The following PLEKHH1 variants were observed in gnomAD, a reference collection of about 807,000 sequenced individuals.
PLEKHH1 encodes pleckstrin homology domain-containing family H member 1.
Under a neutral mutation model 160.0 loss-of-function variants are expected in PLEKHH1, and 104 were observed. The ratio of observed to expected loss-of-function variants is 0.65; its 90% CI spans 0.55 to 0.76. The LOEUF is 0.76. Among genes scored for constraint, PLEKHH1 ranks in the 30% least tolerant of loss-of-function variants. The pLI, the probability that PLEKHH1 is intolerant of heterozygous loss-of-function variation, is 0.00. For synonymous variants in PLEKHH1, 619 were observed against 678.4 expected (o/e 0.91, Z 1.36); for missense variants, 1,427 against 1,724.1 (o/e 0.83, Z 3.05).
chr14:67,567,382 T>A (rs2035153230), intron 7 of PLEKHH1, among the ~76,000 whole-genome samples: 1 of 152,222 alleles, frequency 6.6e-6, no homozygotes, highest in Non-Finnish European at 1.5e-5. Flanking sequence ...TAACATTTTG[T>A]CAAACAGTCA....
chr14:67,546,878 AT>A (rs895701992), intron 2 of PLEKHH1, among the ~76,000 whole-genome samples: 1 of 151,848 alleles, frequency 6.6e-6, no homozygotes, highest in Non-Finnish European at 1.5e-5. Context: ...ATATATATAT[AT>A]TTTTTCTCTA....
intron 7 of PLEKHH1, among the ~76,000 whole-genome samples, chr14:67,568,403 C>G (rs1008067321): frequency 1.3e-5 from 2 of 152,040 alleles, no homozygotes; most frequent in Admixed American, 6.6e-5. Flanking sequence ...AATGAGAACA[C>G]ATGGACACAG....
At chr14:67,536,151 T>C (rs1204172606) in intron 1 of PLEKHH1, among the ~76,000 whole-genome samples, 1 of 152,024 alleles carries the variant, frequency 6.6e-6, no homozygotes, top group African/African-American at 2.4e-5. Flanking sequence ...TTGAGGTTCC[T>C]GCGGCCTAGG....
rs10145859 is a variant in PLEKHH1 at position 67,578,407 on chromosome 14, A to G, written c.2752-127A>G. On this transcript the variant is annotated intron_variant, in intron 19 of 28. Transcript: ENST00000329153. The surrounding 1 kb of genome is among the most constrained non-coding windows in gnomAD (Gnocchi z 5.0). ...ACAGCCTGACCAAGTTGGCCATCCC[A>G]GCACCCAGAGCAAGTTGGGGGCTCT... 0.028 allele frequency: 22,557 copies of G among 810,738 alleles called. 767 individuals are homozygous for G. Among genetic ancestry groups the G allele is most frequent in the African/African-American group, 0.13 (7,994 of 59,436 alleles). 50.2% of individuals were successfully genotyped at this position (810,738 alleles called of 1,614,324 possible).
chr14:67,582,600 C>T lies in PLEKHH1; in HGVS notation c.3426+390C>T, dbSNP rs1326712220. On this transcript the variant is annotated intron_variant, in intron 24 of 28. Coordinates refer to ENST00000329153, the MANE Select transcript of PLEKHH1 (RefSeq NM_020715.3). This position sits in a 1 kb window ranked among gnomAD's most constrained non-coding sequence, Gnocchi z 5.0. ...TTGCGAGGCCGAGGCGGGCAGATCA[C>T]CTGAGGCCAGGAGTTCGTGACCAGC... is the stretch of plus-strand genomic sequence containing the variant. Among the ~76,000 whole-genome samples, 2 of 152,092 alleles carry T rather than the reference C, an allele frequency of 1.3e-5. No individual in the cohort carries two copies. Among genetic ancestry groups the T allele is most frequent in the Non-Finnish European group, 2.9e-5 (2 of 68,036 alleles).
At position 67,575,405 on chromosome 14, in the gene PLEKHH1, ACT is replaced by A. The variant is rs1566754862; in HGVS notation, c.2104_2105del (p.Ser702GlnfsTer19). On this transcript the variant is annotated frameshift_variant, in exon 15 of 29. Coordinates refer to ENST00000329153, the MANE Select transcript of PLEKHH1 (RefSeq NM_020715.3). LOFTEE classifies it high-confidence loss of function. The stretch of plus-strand genomic sequence containing the variant: ...TCTGTCTTACAGGTAAAGCATGGCC[ACT>A]CCAAGGTGGTCTGGTGCGCTCTTGT... 6.2e-7 allele frequency: 1 copy of A among 1,605,942 alleles called. No individual in the cohort carries two copies. The highest frequency in any genetic ancestry group is 1.1e-5 in the South Asian group (1 of 89,478).
chr14:67,582,493 T>C lies in PLEKHH1; in HGVS notation c.3426+283T>C, dbSNP rs774682494. On this transcript the variant is annotated intron_variant, in intron 24 of 28. Coordinates refer to ENST00000329153, the MANE Select transcript of PLEKHH1 (RefSeq NM_020715.3). The surrounding 1 kb of genome is among the most constrained non-coding windows in gnomAD (Gnocchi z 5.0). ...TCTTAGCCAAGTCACTTCACTTCTCTATGCTTTAGTTTCCTTCTCAGTATA... is the reference window on the plus strand; with the variant it reads ...TCTTAGCCAAGTCACTTCACTTCTCCATGCTTTAGTTTCCTTCTCAGTATA... Among the ~76,000 whole-genome samples the C allele has an allele frequency of 2.0e-5, 3 of 152,162 alleles. No homozygotes were observed. The highest frequency in any genetic ancestry group is 4.4e-5 in the Non-Finnish European group (3 of 68,024).
intron 9 of PLEKHH1, chr14:67,570,664 A>G (rs924271630): frequency 1.3e-5 from 2 of 152,170 alleles, no homozygotes; most frequent in South Asian, 2.1e-4. Flanking sequence ...ATGTCATTCT[A>G]TGCCTTGCTT....
At chr14:67,564,586 T>A (rs1594768540) in intron 7 of PLEKHH1, among the ~76,000 whole-genome samples, 1 of 152,138 alleles carries the variant, frequency 6.6e-6, no homozygotes, top group Non-Finnish European at 1.5e-5. Context: ...GCCTTCTAAG[T>A]AGCTGGGACT....
chr14:67,573,853 A>G lies in PLEKHH1; in HGVS notation c.1892A>G (p.Gln631Arg). 1.9e-6 allele frequency: 3 copies of G among 1,613,762 alleles called. No homozygotes were observed. The highest frequency in any genetic ancestry group is 2.5e-6 in the Non-Finnish European group (3 of 1,179,690). The change falls in exon 13 of 29, where the codon CAA becomes CGA. Residue 631 changes from glutamine to arginine, a missense_variant. Physicochemically the swap from Gln to Arg is conservative, Grantham distance 43 (BLOSUM62 1). This residue lies in a region of PLEKHH1 where 831 missense variants were observed against 929.2 expected (regional missense o/e 0.89). Coordinates refer to ENST00000329153, the MANE Select transcript of PLEKHH1 (RefSeq NM_020715.3). The surrounding 1 kb of genome is among the most constrained non-coding windows in gnomAD (Gnocchi z 4.8). ...QGQVDLNSRCQIVRGEGSQTF... is the reference protein window; with the variant it reads ...QGQVDLNSRCRIVRGEGSQTF... ...CAAGTGGATCTGAACTCCCGCTGCC[A>G]AATTGTTCGAGGGGAGGGTTCACAG...
In PLEKHH1 at chr14:67,570,332, T is replaced by A. The variant is rs376068020; in HGVS notation, c.1434+320T>A. On this transcript the variant is annotated intron_variant, in intron 9 of 28. Coordinates refer to ENST00000329153, the MANE Select transcript of PLEKHH1 (RefSeq NM_020715.3). ...AGGGCAGTGGGGCTCCTTCTAGAAT[T>A]ACTGAGGTATATTCCAACTTATATT... 1.2e-5 allele frequency: 13 copies of A among 1,055,510 alleles called. No individual in the cohort carries two copies. The South Asian group carries it at 3.3e-4, about 27-fold the overall frequency. The allele number at this position is 1,055,510 out of a possible 1,614,324, so 65.4% of individuals were successfully genotyped here.
At chr14:67,571,529 G>C (rs890505090) in intron 9 of PLEKHH1, 5 of 483,384 alleles carry the variant, frequency 1.0e-5, no homozygotes, top group Non-Finnish European at 1.5e-5. Flanking sequence ...AGCTGCTTTG[G>C]GGACCACAGA....
rs568709786 is a variant in PLEKHH1, at chr14:67,587,213, C to G, written c.4073C>G (p.Thr1358Ser). ...TTCTTTTCTTCTGTTTCCTGTGCTACCAAGGGGCCAACGTTGCTGTGAATA... is the reference window on the plus strand; with the variant it reads ...TTCTTTTCTTCTGTTTCCTGTGCTAGCAAGGGGCCAACGTTGCTGTGAATA... ...RQFFSSVSCA[T>S]KGPTLL is the part of the protein sequence containing the mutation. The change falls in exon 29 of 29, where the codon ACC becomes AGC. Residue 1358 changes from threonine to serine, a missense_variant. By Grantham distance (58) the Thr-to-Ser change is moderately conservative. This residue lies in a region of PLEKHH1 where 96 missense variants were observed against 97.6 expected (regional missense o/e 0.98). Coordinates refer to ENST00000329153, the MANE Select transcript of PLEKHH1 (RefSeq NM_020715.3). The G allele has an allele frequency of 1.2e-6, 2 of 1,613,808 alleles. No individual in the cohort carries two copies. Among genetic ancestry groups the G allele is most frequent in the East Asian group, 4.5e-5 (2 of 44,882 alleles).
intron 7 of PLEKHH1, among the ~76,000 whole-genome samples, chr14:67,567,999 C>T (rs1403694454): frequency 6.6e-6 from 1 of 152,166 alleles, no homozygotes; most frequent in Non-Finnish European, 1.5e-5. Flanking sequence ...ACCCAGGGGC[C>T]CCCTCAGGAC....
rs914566198 is a variant in PLEKHH1 at position 67,573,587 on chromosome 14, A to C, written c.1839+201A>C. ...AAGCCTGGCCGTGAGTTTCAGAATG[A>C]AATAGGGAGGTTCTCAGAAGGACCC... On this transcript the variant is annotated intron_variant, in intron 12 of 28. Coordinates refer to ENST00000329153, the MANE Select transcript of PLEKHH1 (RefSeq NM_020715.3). This position sits in a 1 kb window ranked among gnomAD's most constrained non-coding sequence, Gnocchi z 4.8. Among the ~76,000 whole-genome samples the C allele has an allele frequency of 6.6e-6, 1 of 152,190 alleles. No homozygotes were observed. The highest frequency in any genetic ancestry group is 2.4e-5 in the African/African-American group (1 of 41,440).
At chr14:67,568,136 A>G (rs539874057) in intron 7 of PLEKHH1, among the ~76,000 whole-genome samples, 45 of 152,302 alleles carry the variant, frequency 3.0e-4, no homozygotes, top group African/African-American at 1.0e-3. Context: ...AACGTGCCCT[A>G]AGTTCCCACA....
intron 2 of PLEKHH1, among the ~76,000 whole-genome samples, chr14:67,548,681 G>A (rs931391821): frequency 6.6e-6 from 1 of 152,060 alleles, no homozygotes; most frequent in African/African-American, 2.4e-5. Flanking sequence ...CGGGCGACAA[G>A]AGCAAAACTC....
At chr14:67,569,628 G>A (rs549486217) in intron 8 of PLEKHH1, 11 of 479,618 alleles carry the variant, frequency 2.3e-5, no homozygotes, top group East Asian at 1.5e-4. Context: ...TCCCATAGCC[G>A]TATGATTTGT....
rs757940392 is a variant in PLEKHH1, at chr14:67,562,417, G to C, written c.786G>C (p.Glu262Asp). 1 of 1,613,880 alleles carries C rather than the reference G, an allele frequency of 6.2e-7. No homozygotes were observed. Among genetic ancestry groups the C allele is most frequent in the South Asian group, 1.1e-5 (1 of 91,084 alleles). Residue 262 changes from glutamate to aspartate, a missense_variant, in exon 7 of 29, where the codon GAG becomes GAC. Coordinates refer to ENST00000329153, the MANE Select transcript of PLEKHH1 (RefSeq NM_020715.3). ...CCCTTCAACCTCATCTGGGAAGAGA[G>C]AGCCCTCCCCACCAGCCATGCATGA... Reference protein sequence around the residue: ...AKPLQPHLGRESPPHQPCMKL... With the variant: ...AKPLQPHLGRDSPPHQPCMKL...
Sources: allele counts gnomAD v4.1 joint callset (sites outside exome capture counted in the v4.1 genomes callset), GRCh38; gene constraint gnomAD v4.1.1; regional missense constraint gnomAD v4.1.1; non-coding constraint Gnocchi (gnomAD v3.1); transcripts MANE v1.5; gene names NCBI Gene and HGNC (gene_info 2026-07-23, HGNC 2026-07-21).